DNAJB13: variants seen among roughly 807,000 people sequenced by gnomAD.
DNAJB13 encodes the protein dnaJ homolog subfamily B member 13.
DNAJB13 carries 22 observed loss-of-function variants against 35.6 expected under a neutral mutation model. That is an observed-to-expected ratio of 0.62 (90% CI 0.44 to 0.88). The LOEUF (loss-of-function observed/expected upper bound fraction) is 0.88, where lower values mean the gene tolerates loss of function less well. Among genes scored for constraint, DNAJB13 ranks in the 40% least tolerant of loss-of-function variants. The pLI is 0.00. For synonymous variants in DNAJB13, 136 were observed against 144.2 expected (o/e 0.94, Z 0.41); for missense variants, 370 against 384.3 (o/e 0.96, Z 0.31).
chr11:73,960,063 C>T (rs989818789), intron 3 of DNAJB13, among the ~76,000 whole-genome samples: 2 of 151,884 alleles, frequency 1.3e-5, no homozygotes, highest in Non-Finnish European at 1.5e-5. Context: ...CCACCGTGCC[C>T]GGCCTATTTT....
intron 1 of DNAJB13, among the ~76,000 whole-genome samples, chr11:73,954,297 G>A (rs138761515): frequency 0.013 from 1,988 of 151,186 alleles, 38 homozygotes; most frequent in African/African-American, 0.045. Context: ...TTGCACTCCA[G>A]CCTGGGTGAC....
intron 5 of DNAJB13, among the ~76,000 whole-genome samples, chr11:73,967,398 A>G (rs897946611): frequency 1.1e-4 from 16 of 152,198 alleles, no homozygotes; most frequent in African/African-American, 3.6e-4. Context: ...ATTCAGAGCC[A>G]GGGAAGACAC....
chr11:73,965,087 C>A (rs1427934729), intron 4 of DNAJB13, 52 bp downstream of exon 4: 3 of 1,514,698 alleles, frequency 2.0e-6, no homozygotes, highest in Non-Finnish European at 2.6e-6. Flanking sequence ...TGCAGCCTAG[C>A]AGCTGCCTCC....
chr11:73,959,624 C>G lies in DNAJB13; in HGVS notation c.303C>G (p.His101Gln), dbSNP rs368904856. Residue 101 changes from histidine to glutamine, a missense_variant, in exon 3 of 8, where the codon CAC (histidine) becomes CAG (glutamine). By Grantham distance (24) the His-to-Gln change is conservative. Coordinates refer to ENST00000339764, the MANE Select transcript of DNAJB13 (RefSeq NM_153614.4). ...VFHGKPEKVF[H>Q]EFFGGNNPFS... ...ATGGCAAACCTGAAAAGGTGTTCCACGAGTTCTTTGGTGGAAACAACCCCT... is the reference window on the plus strand; with the variant it reads ...ATGGCAAACCTGAAAAGGTGTTCCAGGAGTTCTTTGGTGGAAACAACCCCT... The G allele has an allele frequency of 6.2e-7, 1 of 1,614,148 alleles. No homozygotes were observed. Among genetic ancestry groups the G allele is most frequent in the Non-Finnish European group, 8.5e-7 (1 of 1,179,994 alleles).
chr11:73,954,025 A>ATT (rs1950660265), intron 1 of DNAJB13, among the ~76,000 whole-genome samples: 17 of 146,692 alleles, frequency 1.2e-4, no homozygotes, highest in African/African-American at 3.7e-4. Flanking sequence ...TAATAATAAT[A>ATT]ATAATAATAA....
chr11:73,964,817 G>GCCCCCC, intron 3 of DNAJB13, 61 bp from the exon 4 acceptor site: 1 of 1,513,094 alleles, frequency 6.6e-7, no homozygotes, highest in Non-Finnish European at 9.1e-7. Flanking sequence ...GTGTGTGCGC[G>GCCCCCC]CGCGCGCATG....
At chr11:73,966,042 A>C (rs1477549612) in intron 4 of DNAJB13, 96 bp from the exon 5 acceptor site, 7 of 1,138,096 alleles carry the variant, frequency 6.2e-6, no homozygotes, top group Non-Finnish European at 3.9e-6. Flanking sequence ...TCACGTGTGC[A>C]AAGGTCACCT....
chr11:73,956,381 A>G (rs1950741708), intron 1 of DNAJB13, among the ~76,000 whole-genome samples: 1 of 152,174 alleles, frequency 6.6e-6, no homozygotes, highest in African/African-American at 2.4e-5. Context: ...GAGCAGCAAG[A>G]GAGAACAGTG....
rs777186025 is a variant in DNAJB13, at chr11:73,958,343, AC to A, written c.98del (p.Pro33ArgfsTer2). 6.2e-6 allele frequency: 10 copies of A among 1,613,980 alleles called. No individual in the cohort carries two copies. The Admixed American group carries it at 1.7e-4, about 27-fold the overall frequency. On this transcript the variant is annotated frameshift_variant, in exon 2 of 8. Coordinates refer to ENST00000339764, the MANE Select transcript of DNAJB13 (RefSeq NM_153614.4). LOFTEE classifies it high-confidence loss of function. ...QAYRRLALKH[H>X]PLKSNEPSSA... ...TACCGCAGACTCGCCCTTAAGCACC[AC>A]CCGTTGAAGTCAAATGAGCCGTCTT... is the stretch of plus-strand genomic sequence containing the variant.
At chr11:73,957,109 C>CA (rs527596089) in intron 1 of DNAJB13, among the ~76,000 whole-genome samples, 17 of 152,310 alleles carry the variant, frequency 1.1e-4, no homozygotes, top group African/African-American at 3.9e-4. Context: ...CCTCCAGACC[C>CA]ACTCCCCACC....
intron 1 of DNAJB13, among the ~76,000 whole-genome samples, chr11:73,955,331 C>T (rs1415783534): frequency 2.3e-5 from 3 of 128,930 alleles, no homozygotes; most frequent in Admixed American, 8.3e-5. Flanking sequence ...TTTTTTGAAA[C>T]GGAGTCTCTC....
chr11:73,969,007 G>T (rs1039768198), intron 6 of DNAJB13, among the ~76,000 whole-genome samples: 1 of 152,078 alleles, frequency 6.6e-6, no homozygotes. Flanking sequence ...TCCCACAAAC[G>T]CTTTTATTCT....
At chr11:73,966,329 G>C in intron 5 of DNAJB13, 78 bp downstream of exon 5, 1 of 1,380,888 alleles carries the variant, frequency 7.2e-7, no homozygotes, top group Non-Finnish European at 1.0e-6. Context: ...GGAAGGGAAA[G>C]GAGGCAATAC....
At position 73,964,812 on chromosome 11, in the gene DNAJB13, T is replaced by TGCGCGCGCGCGC. The variant is rs1350955423; in HGVS notation, c.335-65_335-54dup. On this transcript the variant is annotated intron_variant, in intron 3 of 7. Transcript: ENST00000339764. The stretch of plus-strand genomic sequence containing the variant: ...GTGTGTGTGTGTGTGTGTGTGTGTG[T>TGCGCGCGCGCGC]GCGCGCGCGCGCATGTCTGGGTCTC... The TGCGCGCGCGCGC allele has an allele frequency of 1.1e-4, 76 of 698,300 alleles. 2 individuals are homozygous for TGCGCGCGCGCGC. In the African/African-American group the frequency reaches 1.5e-3, roughly 14 times the overall value. The allele number at this position is 698,300 out of a possible 1,614,324, so 43.3% of individuals were successfully genotyped here. A position where few individuals can be genotyped will look rare whatever the true frequency, so the allele number is the denominator to read the frequency against.
chr11:73,966,468 A>G (rs1228489755), intron 5 of DNAJB13, among the ~76,000 whole-genome samples: 1 of 152,128 alleles, frequency 6.6e-6, no homozygotes, highest in Admixed American at 6.5e-5. Flanking sequence ...CAGGCAGCCC[A>G]GGGACTGTCC....
At chr11:73,956,669 G>A (rs1030284401) in intron 1 of DNAJB13, among the ~76,000 whole-genome samples, 2 of 152,064 alleles carry the variant, frequency 1.3e-5, no homozygotes, top group African/African-American at 4.8e-5. Flanking sequence ...CAGGCGTGGT[G>A]GCTCGCGCCT....
intron 1 of DNAJB13, 135 bp downstream of exon 1, chr11:73,951,272 C>T: frequency 9.2e-7 from 1 of 1,088,832 alleles, no homozygotes; most frequent in South Asian, 1.5e-5. Context: ...TCTTGCATAC[C>T]TGTATCCTGG....
At chr11:73,969,199 C>T (rs1349463276) in intron 6 of DNAJB13, 47 bp from the exon 7 acceptor site, 3 of 775,268 alleles carry the variant, frequency 3.9e-6, no homozygotes, top group Non-Finnish European at 6.5e-6. Context: ...AATAGGAGAG[C>T]CATGGTGACC....
intron 3 of DNAJB13, chr11:73,959,911 C>T (rs1002906795): frequency 8.5e-5 from 19 of 223,844 alleles, no homozygotes; most frequent in African/African-American, 1.4e-4. Context: ...TACAGGCGCA[C>T]GCTGCCACAC....
Sources: allele counts gnomAD v4.1 joint callset (sites outside exome capture counted in the v4.1 genomes callset), GRCh38; gene constraint gnomAD v4.1.1; transcripts MANE v1.5; gene names NCBI Gene and HGNC (gene_info 2026-07-23, HGNC 2026-07-21).